The following PARVA variants were observed in gnomAD, a reference collection of about 807,000 sequenced individuals.
PARVA encodes the protein alpha-parvin.
Under a neutral mutation model 52.6 loss-of-function variants are expected in PARVA, and 25 were observed. The observed-to-expected ratio is 0.48, with a 90% CI of 0.35 to 0.66. The LOEUF (loss-of-function observed/expected upper bound fraction) is 0.66, where lower values mean the gene tolerates loss of function less well. Among genes scored for constraint, PARVA ranks in the 30% least tolerant of loss-of-function variants. The pLI is 0.01. For missense variants in PARVA, 373 were observed against 450.9 expected, an observed-to-expected ratio of 0.83 and a Z score of 1.56; for synonymous variants, 185 against 179.1, an observed-to-expected ratio of 1.03 and a Z score of -0.26.
intron 12 of PARVA, among the ~76,000 whole-genome samples, chr11:12,526,865 G>A (rs1941708491): frequency 6.6e-6 from 1 of 152,058 alleles, no homozygotes; most frequent in African/African-American, 2.4e-5. Flanking sequence ...CTTGTTGGGG[G>A]AGGGAGGAAG....
intron 4 of PARVA, among the ~76,000 whole-genome samples, chr11:12,485,985 G>A (rs1941154174): frequency 6.6e-6 from 1 of 152,180 alleles, no homozygotes; most frequent in African/African-American, 2.4e-5. Flanking sequence ...AAGGAGACAT[G>A]AAGAAAAGAA....
chr11:12,471,447 G>A lies in PARVA; in HGVS notation c.137-2298G>A, dbSNP rs556098967. 1.1e-3 allele frequency among the ~76,000 whole-genome samples: 162 copies of A among 152,254 alleles called. No homozygotes were observed. The Middle Eastern group carries it at 0.017, about 16-fold the overall frequency. On this transcript the variant is annotated intron_variant, in intron 1 of 12. Coordinates refer to ENST00000334956, the MANE Select transcript of PARVA (RefSeq NM_018222.5). ...CAAACTTGTGTCCTGGGGGCTTGTT[G>A]TATGGATTATTTTCCCATCAACTAT...
At chr11:12,415,004 C>G (rs958240940) in intron 1 of PARVA, among the ~76,000 whole-genome samples, 1 of 152,188 alleles carries the variant, frequency 6.6e-6, no homozygotes, top group Non-Finnish European at 1.5e-5. Flanking sequence ...GTGGACCTAG[C>G]GTCGGCTGTC....
intron 1 of PARVA, among the ~76,000 whole-genome samples, chr11:12,469,194 AAGTAGGGTAC>A (rs1479936516): frequency 1.3e-5 from 2 of 152,070 alleles, no homozygotes; most frequent in African/African-American, 4.8e-5. Context: ...ATAAAAATAG[AAGTAGGGTAC>A]AAATCCACAC....
chr11:12,394,521 A>G (rs1174501005), intron 1 of PARVA, among the ~76,000 whole-genome samples: 3 of 152,204 alleles, frequency 2.0e-5, no homozygotes, highest in Non-Finnish European at 2.9e-5. Flanking sequence ...GGATGACACA[A>G]TGAAATGTCT....
intron 4 of PARVA, among the ~76,000 whole-genome samples, chr11:12,489,170 A>G (rs932977292): frequency 7.3e-5 from 11 of 151,636 alleles, no homozygotes; most frequent in Non-Finnish European, 1.6e-4. Flanking sequence ...ATTTAAAAAA[A>G]AAAAAGAAAA....
At position 12,463,175 on chromosome 11, in the gene PARVA, C is replaced by A. The variant is rs1288315949; in HGVS notation, c.137-10570C>A. ...TGGTACAATTCTTAAAATTAATGGA[C>A]AGTAGTGATATATTATTACTAACTT... On this transcript the variant is annotated intron_variant, in intron 1 of 12. Transcript: ENST00000334956. Among the ~76,000 whole-genome samples the A allele has an allele frequency of 4.6e-5, 7 of 152,076 alleles. No individual in the cohort carries two copies. In the East Asian group the frequency reaches 9.6e-4, roughly 21 times the overall value.
intron 1 of PARVA, among the ~76,000 whole-genome samples, chr11:12,466,259 T>C (rs1322864560): frequency 1.3e-5 from 2 of 152,210 alleles, no homozygotes; most frequent in Non-Finnish European, 2.9e-5. Flanking sequence ...CCTTGTCTTT[T>C]CATTCTCTTA....
chr11:12,522,526 C>T (rs1941650564), intron 12 of PARVA, among the ~76,000 whole-genome samples: 1 of 149,442 alleles, frequency 6.7e-6, no homozygotes, highest in Non-Finnish European at 1.5e-5. Flanking sequence ...TCAAGAGATT[C>T]TCCTGCCTCA....
chr11:12,422,109 T>C (rs1349652827), intron 1 of PARVA, among the ~76,000 whole-genome samples: 2 of 152,244 alleles, frequency 1.3e-5, no homozygotes, highest in Non-Finnish European at 2.9e-5. Flanking sequence ...TTTCCTAACT[T>C]AAAATTGTTT....
chr11:12,419,016 G>A (rs969227266), intron 1 of PARVA, among the ~76,000 whole-genome samples: 1 of 152,134 alleles, frequency 6.6e-6, no homozygotes, highest in Admixed American at 6.5e-5. Context: ...ATAACTTGCC[G>A]AAGTTATTAA....
chr11:12,417,487 A>G (rs932443651), intron 1 of PARVA, among the ~76,000 whole-genome samples: 2 of 152,166 alleles, frequency 1.3e-5, no homozygotes, highest in African/African-American at 4.8e-5. Context: ...GGAAATGTGT[A>G]CCTACAGTAT....
chr11:12,384,817 C>T (rs1481022022), intron 1 of PARVA, among the ~76,000 whole-genome samples: 3 of 151,996 alleles, frequency 2.0e-5, no homozygotes, highest in African/African-American at 4.8e-5. Flanking sequence ...GGGTTGGTCC[C>T]GGGTGTAACA....
At chr11:12,396,875 C>T (rs1939754231) in intron 1 of PARVA, among the ~76,000 whole-genome samples, 1 of 148,656 alleles carries the variant, frequency 6.7e-6, no homozygotes, top group African/African-American at 2.4e-5. Context: ...GTGAGAAATG[C>T]TTGTTTTGTT....
intron 7 of PARVA, among the ~76,000 whole-genome samples, chr11:12,509,080 T>G (rs1358511296): frequency 2.8e-5 from 4 of 145,186 alleles, no homozygotes; most frequent in Non-Finnish European, 6.1e-5. Context: ...GGGTGGTTTT[T>G]TTTTTTTTTT....
Position 12,431,397 on chromosome 11 carries a change from GC to G in PARVA, c.137-42347del, listed in dbSNP as rs1189622660. Among the ~76,000 whole-genome samples the G allele has an allele frequency of 2.0e-5, 3 of 152,336 alleles. No homozygotes were observed. In the East Asian group the frequency reaches 5.8e-4, roughly 29 times the overall value. Reference sequence around the variant, plus strand: ...CCCTGCCTGCAATCCAAACCAGGAGGCTCAGGCCCACCACGTGGCTGTGGGA... The same window carrying G: ...CCCTGCCTGCAATCCAAACCAGGAGGTCAGGCCCACCACGTGGCTGTGGGA... On this transcript the variant is annotated intron_variant, in intron 1 of 12. Transcript: ENST00000334956.
At chr11:12,396,714 C>G (rs1848207367) in intron 1 of PARVA, among the ~76,000 whole-genome samples, 1 of 152,180 alleles carries the variant, frequency 6.6e-6, no homozygotes, top group South Asian at 2.1e-4. Context: ...GTACGTTTAA[C>G]CAGTTGGTAT....
Position 12,427,603 on chromosome 11 carries a change from A to AT in PARVA, c.137-46133dup, listed in dbSNP as rs113337456. On this transcript the variant is annotated intron_variant, in intron 1 of 12. Coordinates refer to ENST00000334956, the MANE Select transcript of PARVA (RefSeq NM_018222.5). ...AGAAATGTTTTCATCTACAACAGAC[A>AT]TTTTTTTTTAAAGCAAGTTTTGACA... Among the ~76,000 whole-genome samples, 1,117 of 151,770 alleles carry AT rather than the reference A, an allele frequency of 7.4e-3. 15 individuals are homozygous for AT. The highest frequency in any genetic ancestry group is 0.025 in the African/African-American group (1,050 of 41,404).
chr11:12,515,860 G>C (rs1422444689), intron 10 of PARVA, among the ~76,000 whole-genome samples: 1 of 152,168 alleles, frequency 6.6e-6, no homozygotes, highest in East Asian at 1.9e-4. Context: ...TTTTGAGACA[G>C]GGTCTTACTC....
Sources: allele counts gnomAD v4.1 joint callset (sites outside exome capture counted in the v4.1 genomes callset), GRCh38; gene constraint gnomAD v4.1.1; transcripts MANE v1.5; gene names NCBI Gene and HGNC (gene_info 2026-07-23, HGNC 2026-07-21).